The following ADAM23 variants were observed in gnomAD, a reference collection of about 807,000 sequenced individuals.
ADAM23 encodes disintegrin and metalloproteinase domain-containing protein 23.
In ADAM23, 33 loss-of-function variants were observed where a neutral mutation model predicts 120.1. The ratio of observed to expected loss-of-function variants is 0.27; its 90% CI spans 0.21 to 0.37. The LOEUF (loss-of-function observed/expected upper bound fraction) is 0.37, where lower values mean the gene tolerates loss of function less well. Among genes scored for constraint, ADAM23 ranks in the 10% least tolerant of loss-of-function variants. The probability of loss-of-function intolerance (pLI) is 1.00; values close to 1 mark genes in which losing one functional copy is unlikely to be tolerated. For synonymous variants in ADAM23, 367 were observed against 375.2 expected (o/e 0.98, Z 0.25); for missense variants, 862 against 1,058.2 (o/e 0.81, Z 2.57).
At chr2:206,505,334 AAC>A (rs1186740870) in intron 3 of ADAM23, among the ~76,000 whole-genome samples, 1 of 152,192 alleles carries the variant, frequency 6.6e-6, no homozygotes, top group African/African-American at 2.4e-5. Flanking sequence ...TATATGAGCT[AAC>A]TCATTTTGTT....
intron 25 of ADAM23, among the ~76,000 whole-genome samples, chr2:206,616,539 T>G (rs1464629240): frequency 6.6e-6 from 1 of 152,204 alleles, no homozygotes; most frequent in Non-Finnish European, 1.5e-5. Context: ...GCAGGATGCC[T>G]TTATACCTAT....
At chr2:206,591,667 A>C (rs185735297) in intron 21 of ADAM23, among the ~76,000 whole-genome samples, 1 of 152,318 alleles carries the variant, frequency 6.6e-6, no homozygotes, top group East Asian at 1.9e-4. Flanking sequence ...GCCTGTACAT[A>C]AGTAGAAAAT....
intron 24 of ADAM23, 95 bp downstream of exon 24, chr2:206,596,257 C>T: frequency 2.3e-6 from 2 of 877,388 alleles, no homozygotes; most frequent in Non-Finnish European, 3.5e-6. Flanking sequence ...TAAGAGGAGA[C>T]ACATAAGAAT....
chr2:206,466,685 C>G (rs1695547786), intron 2 of ADAM23, among the ~76,000 whole-genome samples: 1 of 152,154 alleles, frequency 6.6e-6, no homozygotes, highest in Non-Finnish European at 1.5e-5. Context: ...TTAGTCTGTT[C>G]TCAAATCGCT....
chr2:206,539,874 A>G (rs1282798918), intron 4 of ADAM23, among the ~76,000 whole-genome samples: 1 of 152,220 alleles, frequency 6.6e-6, no homozygotes, highest in Non-Finnish European at 1.5e-5. Context: ...AAAATCCTCT[A>G]ATACTGCTAG....
chr2:206,613,403 G>A (rs1698873511), intron 25 of ADAM23, among the ~76,000 whole-genome samples: 1 of 152,290 alleles, frequency 6.6e-6, no homozygotes, highest in South Asian at 2.1e-4. Context: ...GTTACTAAGG[G>A]TATGATTAGT....
chr2:206,571,550 G>A (rs1698000505), intron 16 of ADAM23, among the ~76,000 whole-genome samples, 177 bp from the exon 17 acceptor site: 1 of 152,150 alleles, frequency 6.6e-6, no homozygotes, highest in South Asian at 2.1e-4. Flanking sequence ...TCTTACTTTG[G>A]TGACAAGTAT....
At chr2:206,476,880 G>A (rs1011576643) in intron 2 of ADAM23, among the ~76,000 whole-genome samples, 16 of 152,084 alleles carry the variant, frequency 1.1e-4, no homozygotes, top group African/African-American at 3.1e-4. Context: ...TTATGGGTAC[G>A]CTCTACAGAA....
intron 3 of ADAM23, among the ~76,000 whole-genome samples, chr2:206,503,526 A>G (rs1026166522): frequency 7.2e-5 from 11 of 152,158 alleles, no homozygotes; most frequent in African/African-American, 2.7e-4. Flanking sequence ...TTTGACTTAC[A>G]TTCTGCTTCT....
At chr2:206,583,218 G>C (rs1698253021) in intron 18 of ADAM23, among the ~76,000 whole-genome samples, 1 of 152,170 alleles carries the variant, frequency 6.6e-6, no homozygotes, top group Non-Finnish European at 1.5e-5. Context: ...ACTTTGGGAG[G>C]CCAAGGCGGG....
intron 2 of ADAM23, among the ~76,000 whole-genome samples, chr2:206,471,197 T>C (rs1396506284): frequency 6.6e-6 from 1 of 152,224 alleles, no homozygotes; most frequent in Non-Finnish European, 1.5e-5. Context: ...GAGGTTAATA[T>C]TTGAATCTAC....
chr2:206,458,824 A>G (rs930100337), intron 2 of ADAM23, among the ~76,000 whole-genome samples: 1 of 152,204 alleles, frequency 6.6e-6, no homozygotes, highest in African/African-American at 2.4e-5. Context: ...AAATACTTTC[A>G]TCTGCCTTTG....
At chr2:206,587,485 T>A in intron 19 of ADAM23, 110 bp downstream of exon 19, 1 of 773,086 alleles carries the variant, frequency 1.3e-6, no homozygotes, top group Non-Finnish European at 2.0e-6. Context: ...TTTACTCAAG[T>A]AAATTATTAT....
rs1321834120 is a variant in ADAM23 at position 206,620,941 on chromosome 2, T to C, written c.*3314T>C. 2.0e-5 allele frequency: 3 copies of C among 152,356 alleles called. No individual in the cohort carries two copies. In the East Asian group the frequency reaches 5.8e-4, roughly 29 times the overall value. The allele number at this position is 152,356 out of a possible 1,614,324, so 9.4% of individuals were successfully genotyped here. A position where few individuals can be genotyped will look rare whatever the true frequency, so the allele number is the denominator to read the frequency against. The stretch of plus-strand genomic sequence containing the variant: ...TTTAAAGTTATCCCATCATGTTTTA[T>C]AGTCATTGTTGCTTCCATTGTTAGT... On this transcript the variant is annotated 3_prime_UTR_variant, in exon 26 of 26. Coordinates refer to ENST00000264377, the MANE Select transcript of ADAM23 (RefSeq NM_003812.4).
intron 25 of ADAM23, 69 bp downstream of exon 25, chr2:206,610,069 T>G: frequency 7.4e-7 from 1 of 1,352,924 alleles, no homozygotes. Context: ...ATAACCAAGT[T>G]TTGAGTTCCT....
At position 206,443,898 on chromosome 2, in the gene ADAM23, C is replaced by G; in HGVS notation, c.32C>G (p.Pro11Arg). Reference sequence around the variant, plus strand: ...CCGCCCGGCAGCAGCTCGCGGCAGCCGCCCCTGGCGGGCTGCAGCCTTGCC... The same window carrying G: ...CCGCCCGGCAGCAGCTCGCGGCAGCGGCCCCTGGCGGGCTGCAGCCTTGCC... MKPPGSSSRQ[P>R]PLAGCSLAGA... The change falls in exon 1 of 26, where the codon CCG becomes CGG. Residue 11 changes from proline (P) to arginine (R), a missense_variant. By Grantham distance (103) the Pro-to-Arg change is moderately radical. Transcript: ENST00000264377. 1.7e-6 allele frequency: 2 copies of G among 1,179,974 alleles called. No homozygotes were observed. The highest frequency in any genetic ancestry group is 4.0e-5 in the South Asian group (1 of 25,250). The allele number at this position is 1,179,974 out of a possible 1,614,324, so 73.1% of individuals were successfully genotyped here. A position where few individuals can be genotyped will look rare whatever the true frequency, so the allele number is the denominator to read the frequency against.
chr2:206,445,969 A>G (rs1244813023), intron 2 of ADAM23, among the ~76,000 whole-genome samples: 1 of 152,204 alleles, frequency 6.6e-6, no homozygotes, highest in Non-Finnish European at 1.5e-5. Context: ...CAGTCTTTCC[A>G]CTTAGAAATT....
chr2:206,520,627 A>G (rs1696823630), intron 3 of ADAM23, among the ~76,000 whole-genome samples: 1 of 152,058 alleles, frequency 6.6e-6, no homozygotes, highest in Non-Finnish European at 1.5e-5. Context: ...GCTGCTCCTT[A>G]ATGTCTTTGC....
rs1377964586 is a variant in ADAM23, at chr2:206,477,912, A to T, written c.433-3320A>T. On this transcript the variant is annotated intron_variant, in intron 2 of 25. Coordinates refer to ENST00000264377, the MANE Select transcript of ADAM23 (RefSeq NM_003812.4). ...AAAAAAAAAAAATATATATATATAT[A>T]TATATATATAAAACAACAATGTGGT... is the stretch of plus-strand genomic sequence containing the variant. Among the ~76,000 whole-genome samples the T allele has an allele frequency of 2.1e-5, 3 of 143,582 alleles. No individual in the cohort carries two copies. In the South Asian group the frequency reaches 6.4e-4, roughly 31 times the overall value. 94.2% of individuals were successfully genotyped at this position (143,582 alleles called of 152,430 possible).
Sources: gnomAD v4.1 joint callset for allele counts (sites outside exome capture counted in the v4.1 genomes callset) on GRCh38, gnomAD v4.1.1 for gene constraint, MANE v1.5 for transcripts, NCBI Gene and HGNC (gene_info 2026-07-23, HGNC 2026-07-21) for gene names.